The following SLC44A5 variants were observed in gnomAD, a reference collection of about 807,000 sequenced individuals.
SLC44A5 encodes solute carrier family 44 member 5.
SLC44A5 carries 57 observed loss-of-function variants against 101.8 expected under a neutral mutation model. That is an observed-to-expected ratio of 0.56 (90% CI 0.45 to 0.70). The LOEUF (loss-of-function observed/expected upper bound fraction) is 0.70, where lower values mean the gene tolerates loss of function less well. Among genes scored for constraint, SLC44A5 ranks in the 30% least tolerant of loss-of-function variants. SLC44A5 has a pLI of 0.00. For missense variants in SLC44A5, 737 were observed against 853.1 expected (o/e 0.86, Z 1.70); for synonymous variants, 281 against 290.9 (o/e 0.97, Z 0.35).
At chr1:75,638,978 C>T in the SLC44A5 span, among the ~76,000 whole-genome samples, 1 of 151,906 alleles carries the variant, frequency 6.6e-6, no homozygotes, top group Non-Finnish European at 1.5e-5. Context: ...TAATCTCACA[C>T]GTATGTGGAA....
chr1:75,679,164 C>A, the SLC44A5 span, among the ~76,000 whole-genome samples: 1 of 152,052 alleles, frequency 6.6e-6, no homozygotes, highest in Non-Finnish European at 1.5e-5. Context: ...ATGGGGAGAA[C>A]GGAACCAAGT....
rs537126855 is a variant in SLC44A5 at position 75,333,893 on chromosome 1, A to C, written c.101+5689T>G. On this transcript the variant is annotated intron_variant, in intron 4 of 23. Transcript: ENST00000370859. The stretch of plus-strand genomic sequence containing the variant: ...AGAGCCTGAGAACACTTATCCTTTC[A>C]TTGTAGTCACACTTGAGTTCTTTCC... Among the ~76,000 whole-genome samples, 4 of 152,310 alleles carry C rather than the reference A, an allele frequency of 2.6e-5. No individual in the cohort carries two copies. In the South Asian group the frequency reaches 8.3e-4, roughly 32 times the overall value.
At chr1:75,479,628 C>A (rs1414899518) in intron 2 of SLC44A5, among the ~76,000 whole-genome samples, 1 of 131,250 alleles carries the variant, frequency 7.6e-6, no homozygotes, top group African/African-American at 3.0e-5. Flanking sequence ...AACACCTCTA[C>A]GCAAATGAAC....
intron 1 of SLC44A5, among the ~76,000 whole-genome samples, chr1:75,565,878 G>T (rs189922022): frequency 3.7e-4 from 57 of 152,162 alleles, no homozygotes; most frequent in African/African-American, 1.3e-3. Context: ...TATAGGTAAT[G>T]AAGTAGCATC....
At chr1:75,267,994 C>T (rs891931535) in intron 6 of SLC44A5, among the ~76,000 whole-genome samples, 11 of 152,170 alleles carry the variant, frequency 7.2e-5, no homozygotes, top group African/African-American at 1.9e-4. Flanking sequence ...TAAATGGATT[C>T]GGTCACTCTT....
At chr1:75,227,955 A>AAC (rs1250173589) in intron 12 of SLC44A5, 98 bp from the exon 13 acceptor site, 2 of 995,852 alleles carry the variant, frequency 2.0e-6, no homozygotes. Context: ...ACTGATCAGC[A>AAC]TGGTAATTTC....
At chr1:75,715,448 G>T in the SLC44A5 span, among the ~76,000 whole-genome samples, 1 of 152,028 alleles carries the variant, frequency 6.6e-6, no homozygotes, top group African/African-American at 2.4e-5. Context: ...AAAAACAGAC[G>T]TAAAGACCAA....
intron 1 of SLC44A5, among the ~76,000 whole-genome samples, chr1:75,566,446 C>T (rs1237861598): frequency 6.6e-6 from 1 of 152,136 alleles, no homozygotes; most frequent in Non-Finnish European, 1.5e-5. Flanking sequence ...TTTAAGCATT[C>T]CTTCAAAAAT....
intron 2 of SLC44A5, among the ~76,000 whole-genome samples, chr1:75,417,133 C>T (rs1291611412): frequency 1.3e-5 from 2 of 152,078 alleles, no homozygotes; most frequent in Non-Finnish European, 2.9e-5. Context: ...TCTTGTAGCT[C>T]CTATAATTCC....
chr1:75,423,571 A>G (rs1193589265), intron 2 of SLC44A5, among the ~76,000 whole-genome samples: 2 of 152,202 alleles, frequency 1.3e-5, no homozygotes, highest in African/African-American at 4.8e-5. Context: ...TTGCTATTTT[A>G]CTATCGTTCT....
chr1:75,643,639 T>A, the SLC44A5 span, among the ~76,000 whole-genome samples: 1 of 152,200 alleles, frequency 6.6e-6, no homozygotes, highest in Non-Finnish European at 1.5e-5. Flanking sequence ...GTTTTTCCCA[T>A]GCTGTTCTCA....
chr1:75,537,018 A>AG (rs1671068753), intron 2 of SLC44A5, among the ~76,000 whole-genome samples: 3 of 40,848 alleles, frequency 7.3e-5, no homozygotes, highest in Non-Finnish European at 3.0e-4. Flanking sequence ...AAAAAAAAAA[A>AG]AAAAAAAAAA....
At chr1:75,299,712 T>TA (rs968152713) in intron 5 of SLC44A5, among the ~76,000 whole-genome samples, 19 of 151,784 alleles carry the variant, frequency 1.3e-4, no homozygotes, top group Non-Finnish European at 2.1e-4. Flanking sequence ...GGTAGTTGTT[T>TA]AAAAAAAATC....
At chr1:75,331,875 C>T (rs1657085386) in intron 4 of SLC44A5, among the ~76,000 whole-genome samples, 1 of 152,194 alleles carries the variant, frequency 6.6e-6, no homozygotes, top group East Asian at 1.9e-4. Context: ...ATTCAAGTCT[C>T]ATTTCAATTG....
intron 2 of SLC44A5, among the ~76,000 whole-genome samples, chr1:75,421,908 A>C (rs1664032076): frequency 6.6e-6 from 1 of 151,976 alleles, no homozygotes; most frequent in Admixed American, 6.6e-5. Context: ...AAGTGTTTGA[A>C]GTGTGGTCCA....
chr1:75,311,718 T>C (rs1285665419), intron 4 of SLC44A5: 2 of 178,450 alleles, frequency 1.1e-5, no homozygotes, highest in Non-Finnish European at 2.2e-5. Context: ...GGGGAACAGA[T>C]AATAAATAAG....
intron 3 of SLC44A5, among the ~76,000 whole-genome samples, chr1:75,358,924 T>C (rs1376970464): frequency 3.3e-5 from 5 of 152,148 alleles, no homozygotes; most frequent in Non-Finnish European, 7.4e-5. Flanking sequence ...GCTATAGATC[T>C]CAAAATCCTA....
intron 1 of SLC44A5, among the ~76,000 whole-genome samples, chr1:75,590,587 T>A (rs1222639532): frequency 6.6e-6 from 1 of 152,106 alleles, no homozygotes; most frequent in Non-Finnish European, 1.5e-5. Context: ...GAGGGGAGTC[T>A]AGTCTCAGGC....
intron 2 of SLC44A5, among the ~76,000 whole-genome samples, chr1:75,438,869 A>C (rs981304361): frequency 6.6e-6 from 1 of 152,144 alleles, no homozygotes. Flanking sequence ...CTCTTCAAAG[A>C]CTTCAGATAT....
Sources: gnomAD v4.1 joint callset for allele counts (sites outside exome capture counted in the v4.1 genomes callset) on GRCh38, gnomAD v4.1.1 for gene constraint, MANE v1.5 for transcripts, NCBI Gene and HGNC (gene_info 2026-07-23, HGNC 2026-07-21) for gene names.